EFCAB6: variants seen among roughly 807,000 people sequenced by gnomAD.
EFCAB6 encodes EF-hand calcium-binding domain-containing protein 6.
In EFCAB6, 156 loss-of-function variants were observed where a neutral mutation model predicts 169.8. That is an observed-to-expected ratio of 0.92 (90% CI 0.81 to 1.05). The LOEUF is 1.05. Ranked by LOEUF, EFCAB6 falls within the 50% of genes least tolerant of loss-of-function variation. The pLI is 0.00. For missense variants in EFCAB6, 1,800 were observed against 1,829.1 expected, an observed-to-expected ratio of 0.98 and a Z score of 0.29; for synonymous variants, 698 against 676.4, an observed-to-expected ratio of 1.03 and a Z score of -0.50.
chr22:43,559,713 G>T (rs8138652), intron 26 of EFCAB6, among the ~76,000 whole-genome samples: 47 of 152,090 alleles, frequency 3.1e-4, no homozygotes, highest in Admixed American at 2.9e-3. Flanking sequence ...TCCTTTGCAG[G>T]GATATGGATA....
chr22:43,736,146 C>T (rs1042599338), intron 6 of EFCAB6, among the ~76,000 whole-genome samples, 153 bp from the exon 7 acceptor site: 3 of 151,690 alleles, frequency 2.0e-5, no homozygotes, highest in South Asian at 2.1e-4. Flanking sequence ...GACATGTCTA[C>T]GGAAAAAGAA....
chr22:43,684,525 T>C (rs1037752259), intron 11 of EFCAB6, among the ~76,000 whole-genome samples: 13 of 152,348 alleles, frequency 8.5e-5, no homozygotes, highest in African/African-American at 3.1e-4. Context: ...TTCTCTTTTC[T>C]GATGTTCTAC....
intron 9 of EFCAB6, among the ~76,000 whole-genome samples, chr22:43,715,020 G>A (rs887014790): frequency 1.3e-5 from 2 of 152,232 alleles, no homozygotes; most frequent in African/African-American, 2.4e-5. Context: ...GGTGAGGTGG[G>A]AGGTAGGCGT....
At chr22:43,804,834 C>T (rs1222645299) in intron 2 of EFCAB6, among the ~76,000 whole-genome samples, 2 of 147,730 alleles carry the variant, frequency 1.4e-5, no homozygotes, top group Non-Finnish European at 3.0e-5. Context: ...ATCAATGAAA[C>T]ATGATTTGGT....
chr22:43,623,870 C>T (rs2054297889), intron 20 of EFCAB6, among the ~76,000 whole-genome samples: 1 of 134,186 alleles, frequency 7.5e-6, no homozygotes, highest in East Asian at 2.1e-4. Context: ...GATTCCGCCA[C>T]TGTACTCCAG....
intron 17 of EFCAB6, among the ~76,000 whole-genome samples, chr22:43,654,015 A>C (rs2056612241): frequency 6.6e-6 from 1 of 152,200 alleles, no homozygotes; most frequent in African/African-American, 2.4e-5. Flanking sequence ...TTGTTTTAGA[A>C]AAAGATCAAT....
intron 17 of EFCAB6, among the ~76,000 whole-genome samples, chr22:43,660,493 G>GC (rs2056950455): frequency 6.6e-6 from 1 of 151,352 alleles, no homozygotes; most frequent in Non-Finnish European, 1.5e-5. Flanking sequence ...AATGCACTCA[G>GC]CCCCCAATTT....
At chr22:43,568,264 A>G (rs553159910) in intron 26 of EFCAB6, among the ~76,000 whole-genome samples, 2 of 152,330 alleles carry the variant, frequency 1.3e-5, no homozygotes, top group South Asian at 4.1e-4. Flanking sequence ...ATAAGCAGCC[A>G]CACTATAAGT....
At chr22:43,546,387 C>T (rs553075047) in intron 27 of EFCAB6, among the ~76,000 whole-genome samples, 8 of 152,220 alleles carry the variant, frequency 5.3e-5, no homozygotes, top group Admixed American at 2.0e-4. Flanking sequence ...CATGTGGTTT[C>T]GTGGGTCCTA....
At chr22:43,686,183 T>C (rs991527891) in intron 11 of EFCAB6, among the ~76,000 whole-genome samples, 14 of 152,216 alleles carry the variant, frequency 9.2e-5, no homozygotes, top group African/African-American at 3.4e-4. Context: ...TTTCTCCATG[T>C]TGGTCAGGCT....
chr22:43,795,968 A>C lies in EFCAB6; in HGVS notation c.-8+13027T>G, dbSNP rs2062493240. ...CCACACACAACTCACCCCCCACAGA[A>C]ACACACACACCACACACAACTCACC... On this transcript the variant is annotated intron_variant, in intron 2 of 31. Coordinates refer to ENST00000262726, the MANE Select transcript of EFCAB6 (RefSeq NM_022785.4). This position sits in a 1 kb window ranked among gnomAD's most constrained non-coding sequence, Gnocchi z 4.2. Among the ~76,000 whole-genome samples the C allele has an allele frequency of 7.5e-6, 1 of 134,108 alleles. No homozygotes were observed. Among genetic ancestry groups the C allele is most frequent in the African/African-American group, 2.8e-5 (1 of 35,416 alleles). The allele number at this position is 134,108 out of a possible 152,430, so 88.0% of individuals were successfully genotyped here.
chr22:43,531,801 C>T (rs989017512), intron 30 of EFCAB6, among the ~76,000 whole-genome samples: 2 of 152,138 alleles, frequency 1.3e-5, no homozygotes, highest in African/African-American at 4.8e-5. Flanking sequence ...CTCACATGAC[C>T]TCCCACACCA....
intron 19 of EFCAB6, among the ~76,000 whole-genome samples, chr22:43,630,146 C>A (rs949197770): frequency 1.1e-4 from 16 of 151,914 alleles, no homozygotes; most frequent in Admixed American, 7.9e-4. Flanking sequence ...CAAAAAAATT[C>A]AAAAAAAGTG....
chr22:43,720,276 G>A (rs573486222), intron 8 of EFCAB6, among the ~76,000 whole-genome samples: 2 of 152,044 alleles, frequency 1.3e-5, no homozygotes, highest in South Asian at 4.2e-4. Flanking sequence ...CCAGCACTTT[G>A]AGAGACCGAG....
At chr22:43,615,014 T>C (rs1192268926) in intron 21 of EFCAB6, among the ~76,000 whole-genome samples, 2 of 152,178 alleles carry the variant, frequency 1.3e-5, no homozygotes, top group African/African-American at 4.8e-5. Flanking sequence ...GTAGAGACAG[T>C]CCCTGGAGGT....
rs1045923151 is a variant in EFCAB6, at chr22:43,571,820, C to T, written c.3420+4477G>A. On this transcript the variant is annotated intron_variant, in intron 26 of 31. Transcript: ENST00000262726. The stretch of plus-strand genomic sequence containing the variant: ...CTGCTTGCGGTCACCCCTTGCTCCA[C>T]GGTCACCCCCCTCCTCCTGCCATGT... Among the ~76,000 whole-genome samples, 7 of 152,300 alleles carry T rather than the reference C, an allele frequency of 4.6e-5. No homozygotes were observed. In the East Asian group the frequency reaches 5.8e-4, roughly 13 times the overall value.
intron 26 of EFCAB6, among the ~76,000 whole-genome samples, chr22:43,566,660 A>G (rs1282148120): frequency 3.9e-5 from 6 of 152,176 alleles, no homozygotes; most frequent in Admixed American, 3.3e-4. Flanking sequence ...ACCCAAGTCC[A>G]ACCACCTACC....
At chr22:43,705,671 A>G (rs2058928497) in intron 10 of EFCAB6, among the ~76,000 whole-genome samples, 1 of 152,200 alleles carries the variant, frequency 6.6e-6, no homozygotes, top group African/African-American at 2.4e-5. Context: ...TTAAAGTGGA[A>G]AATTTAAAAT....
intron 23 of EFCAB6, among the ~76,000 whole-genome samples, chr22:43,596,523 T>C (rs1480521253): frequency 6.6e-6 from 1 of 151,908 alleles, no homozygotes; most frequent in Non-Finnish European, 1.5e-5. Context: ...ATAAAATACC[T>C]AAAAATCAGC....
Sources: gnomAD v4.1 joint callset for allele counts (sites outside exome capture counted in the v4.1 genomes callset) on GRCh38, gnomAD v4.1.1 for gene constraint, Gnocchi (gnomAD v3.1) non-coding constraint, MANE v1.5 for transcripts, NCBI Gene and HGNC (gene_info 2026-07-23, HGNC 2026-07-21) for gene names.